Variants in KCNH8 observed in about 807,000 individuals in gnomAD.
KCNH8 encodes potassium voltage-gated channel subfamily H member 8.
In KCNH8, 70 loss-of-function variants were observed where a neutral mutation model predicts 103.6. That is an observed-to-expected ratio of 0.68 (90% CI 0.56 to 0.82). The LOEUF (loss-of-function observed/expected upper bound fraction) is 0.82, where lower values mean the gene tolerates loss of function less well. Ranked by LOEUF, KCNH8 falls within the 40% of genes least tolerant of loss-of-function variation. The pLI is 0.00. For synonymous variants in KCNH8, 498 were observed against 489.4 expected, an observed-to-expected ratio of 1.02 and a Z score of -0.23; for missense variants, 1,217 against 1,329.9, an observed-to-expected ratio of 0.92 and a Z score of 1.32.
chr3:19,500,598 A>C (rs543099621), intron 11 of KCNH8, among the ~76,000 whole-genome samples: 2 of 152,368 alleles, frequency 1.3e-5, no homozygotes, highest in East Asian at 1.9e-4. Flanking sequence ...ACCATAGTGC[A>C]ATCAAACTAG....
chr3:19,241,171 C>T (rs918581230), intron 1 of KCNH8, among the ~76,000 whole-genome samples: 3 of 152,090 alleles, frequency 2.0e-5, no homozygotes, highest in African/African-American at 7.2e-5. Flanking sequence ...TTCTTTTCTT[C>T]CTTCCTTTCA....
At chr3:19,192,392 A>G (rs1045197279) in intron 1 of KCNH8, among the ~76,000 whole-genome samples, 3 of 151,424 alleles carry the variant, frequency 2.0e-5, no homozygotes, top group Non-Finnish European at 4.4e-5. Flanking sequence ...ACGTGCTTTT[A>G]TTTTTCTCTT....
rs1157959016 is a variant in KCNH8 at position 19,148,941 on chromosome 3, T to C, written c.76+146T>C. 43 of 753,452 alleles carry C rather than the reference T, an allele frequency of 5.7e-5. No individual in the cohort carries two copies. The Admixed American group carries it at 8.7e-4, about 15-fold the overall frequency. 46.7% of individuals were successfully genotyped at this position (753,452 alleles called of 1,614,324 possible). A position where few individuals can be genotyped will look rare whatever the true frequency, so the allele number is the denominator to read the frequency against. ...CAAGGTATCTTTTGTGCGGAGAAAT[T>C]TGTTCCCTCATGGTTTGGTGTAGTA... is the stretch of plus-strand genomic sequence containing the variant. On this transcript the variant is annotated intron_variant, in intron 1 of 15. Transcript: ENST00000328405.
intron 11 of KCNH8, among the ~76,000 whole-genome samples, chr3:19,483,948 CATTTAT>C (rs527462689): frequency 1.3e-5 from 2 of 152,076 alleles, no homozygotes; most frequent in South Asian, 4.2e-4. Context: ...CCAGTATTTA[CATTTAT>C]ATTTATATAG....
At chr3:19,506,988 A>T (rs1299704884) in intron 11 of KCNH8, among the ~76,000 whole-genome samples, 1 of 151,822 alleles carries the variant, frequency 6.6e-6, no homozygotes, top group Non-Finnish European at 1.5e-5. Flanking sequence ...GAGCAGTACC[A>T]CTCTGCAGTG....
At chr3:19,158,371 A>G (rs949667623) in intron 1 of KCNH8, among the ~76,000 whole-genome samples, 4 of 151,682 alleles carry the variant, frequency 2.6e-5, no homozygotes, top group African/African-American at 7.2e-5. Flanking sequence ...TATTTGTGAT[A>G]TGTTCTTAAA....
At chr3:19,489,440 A>G (rs939960327) in intron 11 of KCNH8, among the ~76,000 whole-genome samples, 2 of 152,080 alleles carry the variant, frequency 1.3e-5, no homozygotes, top group African/African-American at 2.4e-5. Context: ...ATATGTATAT[A>G]CGGGAATTGA....
At chr3:19,473,935 C>G (rs1401465416) in intron 11 of KCNH8, among the ~76,000 whole-genome samples, 1 of 152,158 alleles carries the variant, frequency 6.6e-6, no homozygotes, top group Non-Finnish European at 1.5e-5. Context: ...ATTATGCTTT[C>G]TGTCCAAGAA....
intron 7 of KCNH8, among the ~76,000 whole-genome samples, chr3:19,429,208 C>A (rs1239219868): frequency 2.2e-5 from 3 of 138,026 alleles, no homozygotes; most frequent in African/African-American, 8.0e-5. Flanking sequence ...AGTCCTCGCT[C>A]TGTCACCAAG....
intron 2 of KCNH8, among the ~76,000 whole-genome samples, 171 bp from the exon 3 acceptor site, chr3:19,281,027 T>C (rs2125274012): frequency 6.6e-6 from 1 of 152,220 alleles, no homozygotes; most frequent in Non-Finnish European, 1.5e-5. Flanking sequence ...TGAAGAGAGA[T>C]GTATATAGGA....
intron 7 of KCNH8, among the ~76,000 whole-genome samples, chr3:19,422,219 T>C (rs1056432762): frequency 1.2e-4 from 19 of 152,126 alleles, no homozygotes; most frequent in Admixed American, 5.2e-4. Context: ...TCTATCTACA[T>C]GTACAGATCA....
At chr3:19,370,144 G>T (rs1467082427) in intron 5 of KCNH8, among the ~76,000 whole-genome samples, 2 of 151,760 alleles carry the variant, frequency 1.3e-5, no homozygotes. Context: ...GTTATCTCTC[G>T]CCTGCCTGCC....
At chr3:19,326,152 T>C (rs922961796) in intron 3 of KCNH8, among the ~76,000 whole-genome samples, 1 of 151,556 alleles carries the variant, frequency 6.6e-6, no homozygotes, top group African/African-American at 2.4e-5. Context: ...CATAGACACA[T>C]AGAGTGGAAC....
chr3:19,209,571 T>TGTAGA (rs1388693011), intron 1 of KCNH8, among the ~76,000 whole-genome samples: 3 of 152,108 alleles, frequency 2.0e-5, no homozygotes, highest in African/African-American at 7.2e-5. Context: ...AAACCAGTCA[T>TGTAGA]GTAGACTACC....
At chr3:19,254,757 T>C (rs182074844) in intron 2 of KCNH8, among the ~76,000 whole-genome samples, 308 of 152,260 alleles carry the variant, frequency 2.0e-3, no homozygotes, top group South Asian at 3.5e-3. Context: ...CATAATCCCC[T>C]GAGTTTTAGC....
intron 1 of KCNH8, among the ~76,000 whole-genome samples, chr3:19,246,271 GTTGTTTTTTTTTTT>G (rs2064204195): frequency 9.9e-6 from 1 of 100,632 alleles, no homozygotes; most frequent in South Asian, 3.1e-4. Context: ...TTTTGTTGTT[GTTGTTTTTTTTTTT>G]TTTTTTTTTT....
At chr3:19,153,287 A>G (rs1181553799) in intron 1 of KCNH8, among the ~76,000 whole-genome samples, 1 of 152,228 alleles carries the variant, frequency 6.6e-6, no homozygotes, top group Non-Finnish European at 1.5e-5. Context: ...GCACAGTCTT[A>G]AAAGCTAACA....
rs577330015 is a variant in KCNH8 at position 19,302,057 on chromosome 3, C to T, written c.442+20728C>T. On this transcript the variant is annotated intron_variant, in intron 3 of 15. Transcript: ENST00000328405. ...ACTCTTGCATTTACGGTTTTGATGG[C>T]GGTTCCGTTATGTAACTATGATTGA... 1.2e-4 allele frequency among the ~76,000 whole-genome samples: 18 copies of T among 152,158 alleles called. No homozygotes were observed. The South Asian group carries it at 1.2e-3, about 11-fold the overall frequency.
chr3:19,186,299 A>G (rs2063502223), intron 1 of KCNH8, among the ~76,000 whole-genome samples: 1 of 151,484 alleles, frequency 6.6e-6, no homozygotes, highest in East Asian at 1.9e-4. Context: ...AAAAAAAAAA[A>G]AAAAGAAAAA....
Sources: allele counts gnomAD v4.1 joint callset (sites outside exome capture counted in the v4.1 genomes callset), GRCh38; gene constraint gnomAD v4.1.1; transcripts MANE v1.5; gene names NCBI Gene and HGNC (gene_info 2026-07-23, HGNC 2026-07-21).